BCAT1: variants seen among roughly 807,000 people sequenced by gnomAD.
BCAT1 encodes branched-chain-amino-acid aminotransferase, cytosolic.
Under a neutral mutation model 52.4 loss-of-function variants are expected in BCAT1, and 48 were observed. The observed-to-expected ratio is 0.92, with a 90% CI of 0.73 to 1.16. BCAT1 has a LOEUF of 1.16. Among genes scored for constraint, BCAT1 ranks in the 50% most tolerant of loss-of-function variants. BCAT1 has a pLI of 0.00. For missense variants in BCAT1, 451 were observed against 457.1 expected, an observed-to-expected ratio of 0.99 and a Z score of 0.12; for synonymous variants, 167 against 161.3, an observed-to-expected ratio of 1.04 and a Z score of -0.27.
intron 5 of BCAT1, among the ~76,000 whole-genome samples, chr12:24,857,624 T>G (rs1186406224): frequency 6.6e-6 from 1 of 152,344 alleles, no homozygotes; most frequent in East Asian, 1.9e-4. Flanking sequence ...AGATCATTTC[T>G]AACAGCCTGG....
intron 10 of BCAT1, among the ~76,000 whole-genome samples, chr12:24,818,674 A>G (rs774249637): frequency 1.5e-4 from 23 of 152,222 alleles, no homozygotes; most frequent in Non-Finnish European, 3.1e-4. Flanking sequence ...TCTCTAAATC[A>G]AAGTTGTTCA....
rs556500650 is a variant in BCAT1 at position 24,882,244 on chromosome 12, T to C, written c.280-833A>G. Among the ~76,000 whole-genome samples the C allele has an allele frequency of 3.3e-5, 5 of 152,308 alleles. No homozygotes were observed. The South Asian group carries it at 6.2e-4, about 19-fold the overall frequency. On this transcript the variant is annotated intron_variant, in intron 3 of 10. Coordinates refer to ENST00000261192, the MANE Select transcript of BCAT1 (RefSeq NM_005504.7). ...CAGAAATCAATACCAAAAGTTTGAC[T>C]GGACACCATCCATATTTTGGAAAAT...
intron 5 of BCAT1, among the ~76,000 whole-genome samples, chr12:24,858,446 A>G (rs966423484): frequency 1.1e-4 from 17 of 152,234 alleles, no homozygotes; most frequent in Admixed American, 1.1e-3. Context: ...ATTAGGTCAG[A>G]TTAAATTAGA....
At chr12:24,819,121 C>A (rs1281482003) in intron 10 of BCAT1, among the ~76,000 whole-genome samples, 2 of 149,040 alleles carry the variant, frequency 1.3e-5, no homozygotes, top group East Asian at 1.9e-4. Flanking sequence ...CAGACCCTAA[C>A]CAAGCTCTCT....
At chr12:24,907,959 A>G (rs1241954834) in intron 1 of BCAT1, among the ~76,000 whole-genome samples, 1 of 152,190 alleles carries the variant, frequency 6.6e-6, no homozygotes. Context: ...TATATTATTC[A>G]CCTAGCCATC....
intron 10 of BCAT1, among the ~76,000 whole-genome samples, chr12:24,823,263 C>T (rs937868483): frequency 1.3e-5 from 2 of 151,906 alleles, no homozygotes; most frequent in Non-Finnish European, 2.9e-5. Context: ...TTTGTAGAGA[C>T]AGGGATTTGC....
intron 5 of BCAT1, among the ~76,000 whole-genome samples, chr12:24,875,446 G>A (rs572789112): frequency 6.6e-6 from 1 of 152,164 alleles, no homozygotes; most frequent in East Asian, 1.9e-4. Flanking sequence ...AAATAATGTT[G>A]ACTCCCCAAA....
chr12:24,938,799 C>G (rs1250184588), intron 1 of BCAT1, among the ~76,000 whole-genome samples: 1 of 152,060 alleles, frequency 6.6e-6, no homozygotes, highest in African/African-American at 2.4e-5. Flanking sequence ...TTGTCTTTTC[C>G]ACATACACAG....
chr12:24,869,827 G>A (rs1942130974), intron 5 of BCAT1, among the ~76,000 whole-genome samples: 1 of 152,204 alleles, frequency 6.6e-6, no homozygotes, highest in Non-Finnish European at 1.5e-5. Context: ...TTAACCATGT[G>A]CTGGGTCCTT....
At chr12:24,838,279 G>A (rs191825111) in intron 7 of BCAT1, among the ~76,000 whole-genome samples, 8 of 152,230 alleles carry the variant, frequency 5.3e-5, no homozygotes, top group Non-Finnish European at 1.2e-4. Flanking sequence ...AAAAATAAAC[G>A]AATAAGTTAT....
At chr12:24,878,059 C>T (rs1468439105) in intron 5 of BCAT1, among the ~76,000 whole-genome samples, 1 of 151,198 alleles carries the variant, frequency 6.6e-6, no homozygotes, top group Non-Finnish European at 1.5e-5. Context: ...GAAGCTGAGG[C>T]AGGAGGATCA....
chr12:24,850,070 T>C (rs1941461737), intron 5 of BCAT1, 121 bp from the exon 6 acceptor site: 3 of 968,090 alleles, frequency 3.1e-6, no homozygotes, highest in Middle Eastern at 5.5e-4. Flanking sequence ...GCTATTACCA[T>C]ACTTTTAAAA....
intron 5 of BCAT1, among the ~76,000 whole-genome samples, chr12:24,863,420 G>A (rs1941907963): frequency 6.6e-6 from 1 of 152,190 alleles, no homozygotes; most frequent in African/African-American, 2.4e-5. Flanking sequence ...CTGTAAACAT[G>A]ACCACAGAAC....
At position 24,832,711 on chromosome 12, in the gene BCAT1, T is replaced by C. The variant is rs758668777; in HGVS notation, c.1044+12A>G. On this transcript the variant is annotated intron_variant, in intron 9 of 10. Transcript: ENST00000261192. ...TTGGAAATGATAGGAAATGAGGAAATACTTGTCGTACCTCGCCTTTGTACA... is the reference window on the plus strand; with the variant it reads ...TTGGAAATGATAGGAAATGAGGAAACACTTGTCGTACCTCGCCTTTGTACA... The C allele has an allele frequency of 4.4e-6, 7 of 1,595,866 alleles. No homozygotes were observed. Among genetic ancestry groups the C allele is most frequent in the Non-Finnish European group, 6.0e-6 (7 of 1,171,188 alleles).
rs1939764113 is a variant in BCAT1, at chr12:24,813,511, G to A, written c.*4497C>T. 6.6e-6 allele frequency: 1 copy of A among 151,998 alleles called. No homozygotes were observed. The highest frequency in any genetic ancestry group is 2.4e-5 in the African/African-American group (1 of 41,420). 9.4% of individuals were successfully genotyped at this position (151,998 alleles called of 1,614,324 possible). ...GTTTATTTCCATCTAATCTGGCTTT[G>A]CTGAGAAAATCAGCAAGGATGCTGT... is the stretch of plus-strand genomic sequence containing the variant. On this transcript the variant is annotated 3_prime_UTR_variant, in exon 11 of 11. Coordinates refer to ENST00000261192, the MANE Select transcript of BCAT1 (RefSeq NM_005504.7).
At chr12:24,855,660 C>T (rs367839703) in intron 5 of BCAT1, among the ~76,000 whole-genome samples, 11 of 152,196 alleles carry the variant, frequency 7.2e-5, no homozygotes, top group East Asian at 5.8e-4. Flanking sequence ...GGATTACAGG[C>T]GTGAACTACC....
intron 1 of BCAT1, among the ~76,000 whole-genome samples, chr12:24,911,604 C>T (rs776403605): frequency 6.6e-6 from 1 of 152,220 alleles, no homozygotes; most frequent in Non-Finnish European, 1.5e-5. Context: ...AATATATACA[C>T]ACCACGATGA....
chr12:24,875,772 A>C (rs950440209), intron 5 of BCAT1, among the ~76,000 whole-genome samples: 2 of 152,216 alleles, frequency 1.3e-5, no homozygotes, highest in Non-Finnish European at 2.9e-5. Context: ...ATGGACCACA[A>C]AACCTGATTT....
At chr12:24,903,081 C>A in intron 1 of BCAT1, 1 of 1,384,006 alleles carries the variant, frequency 7.2e-7, no homozygotes. Flanking sequence ...CAAGCCCCGG[C>A]GCACGGCCCA....
Sources: gnomAD v4.1 joint callset for allele counts (sites outside exome capture counted in the v4.1 genomes callset) on GRCh38, gnomAD v4.1.1 for gene constraint, MANE v1.5 for transcripts, NCBI Gene and HGNC (gene_info 2026-07-23, HGNC 2026-07-21) for gene names.